Variants in GYS2 observed in about 807,000 individuals in gnomAD.
GYS2 encodes the protein glycogen synthase 2, also known as glycogen [starch] synthase, liver.
A neutral mutation model predicts 85.6 loss-of-function variants in GYS2; 80 were observed. The observed-to-expected ratio is 0.93, with a 90% CI of 0.78 to 1.13. The LOEUF is 1.13. GYS2 is among the 50% of genes most tolerant of loss of function. GYS2 has a pLI of 0.00. For synonymous variants in GYS2, 328 were observed against 300.7 expected (o/e 1.09, Z -0.94); for missense variants, 881 against 854.9 (o/e 1.03, Z -0.38).
intron 9 of GYS2, 76 bp downstream of exon 9, chr12:21,559,575 G>T: frequency 2.4e-6 from 2 of 841,308 alleles, no homozygotes; most frequent in Non-Finnish European, 4.1e-6. Flanking sequence ...AAATTAATAA[G>T]TTATGATGTC....
At chr12:21,554,353 A>G (rs534306514) in intron 11 of GYS2, among the ~76,000 whole-genome samples, 1 of 152,194 alleles carries the variant, frequency 6.6e-6, no homozygotes, top group African/African-American at 2.4e-5. Flanking sequence ...CTCTCTCCTC[A>G]TGGGTATATT....
intron 4 of GYS2, among the ~76,000 whole-genome samples, chr12:21,571,976 C>T (rs1234071847): frequency 5.5e-5 from 2 of 36,262 alleles, no homozygotes; most frequent in African/African-American, 2.6e-4. Context: ...CAAAAACAAA[C>T]AAACAACATA....
At chr12:21,589,698 A>G (rs1944613402) in intron 1 of GYS2, among the ~76,000 whole-genome samples, 1 of 152,154 alleles carries the variant, frequency 6.6e-6, no homozygotes, top group Non-Finnish European at 1.5e-5. Flanking sequence ...CATCTGCATT[A>G]TGGACTCCAG....
chr12:21,598,661 G>C (rs574805148), intron 1 of GYS2, among the ~76,000 whole-genome samples: 125 of 151,786 alleles, frequency 8.2e-4, no homozygotes, highest in African/African-American at 2.9e-3. Flanking sequence ...TCATATTTGA[G>C]GTATAAACCA....
At position 21,574,331 on chromosome 12, in the gene GYS2, AT is replaced by A. The variant is rs1485443821; in HGVS notation, c.496-6del. ...ACCATCTGCATGATCTGTCACCTAC[AT>A]TAGGAAAAAAAAAGCATTCAGAAAA... On this transcript the variant is annotated splice_polypyrimidine_tract_variant and splice_region_variant and intron_variant, in intron 3 of 15. Transcript: ENST00000261195. The A allele has an allele frequency of 1.2e-6, 2 of 1,610,334 alleles. No homozygotes were observed. The highest frequency in any genetic ancestry group is 1.7e-6 in the Non-Finnish European group (2 of 1,176,708).
At chr12:21,567,495 C>A (rs1425351667) in intron 5 of GYS2, among the ~76,000 whole-genome samples, 1 of 151,104 alleles carries the variant, frequency 6.6e-6, no homozygotes, top group Admixed American at 6.6e-5. Flanking sequence ...CTTAATGCTG[C>A]CACTATTCAA....
chr12:21,541,064 G>A (rs908344406), intron 13 of GYS2, among the ~76,000 whole-genome samples: 7 of 151,954 alleles, frequency 4.6e-5, no homozygotes, highest in Non-Finnish European at 1.0e-4. Context: ...CTTGAGCCCA[G>A]GAGTTCAAGA....
rs879400909 is a variant in GYS2 at position 21,599,086 on chromosome 12, T to TCC, written c.121+5384_121+5385dup. ...CTCTCTCTCGCTCTCTCTCTCTCTC[T>TCC]CCCCCATCTCTCTCTGTCTCTCTCT... On this transcript the variant is annotated intron_variant, in intron 1 of 15. Transcript: ENST00000261195. 6.0e-5 allele frequency among the ~76,000 whole-genome samples: 9 copies of TCC among 150,690 alleles called. No homozygotes were observed. In the East Asian group the frequency reaches 7.8e-4, roughly 13 times the overall value.
chr12:21,569,123 G>T (rs1944357225), intron 4 of GYS2, 114 bp from the exon 5 acceptor site: 3 of 1,018,868 alleles, frequency 2.9e-6, no homozygotes, highest in Middle Eastern at 2.1e-4. Context: ...AAAAATTTAT[G>T]ACCACAAAAA....
Position 21,562,999 on chromosome 12 carries a change from G to A in GYS2, c.981C>T (p.Phe327=). The A allele has an allele frequency of 6.2e-7, 1 of 1,613,188 alleles. No homozygotes were observed. Among genetic ancestry groups the A allele is most frequent in the Non-Finnish European group, 8.5e-7 (1 of 1,179,360 alleles). The part of the protein sequence containing the change: ...DFDLEKTLFL[F]IAGRYEFSNK... The stretch of plus-strand genomic sequence containing the variant: ...TTGAAAACTCATACCTCCCAGCAAT[G>A]AAAAGGAACAAAGTCTTTTCAAGAT... The change falls in exon 7 of 16, where the codon TTC becomes TTT. Residue 327 remains phenylalanine (F), a synonymous_variant. Coordinates refer to ENST00000261195, the MANE Select transcript of GYS2 (RefSeq NM_021957.4).
Position 21,604,722 on chromosome 12 carries a change from A to G in GYS2, c.-130T>C, listed in dbSNP as rs145691307. On this transcript the variant is annotated 5_prime_UTR_variant, in exon 1 of 16. Transcript: ENST00000261195. ...CAGGCTTTGGTAGCTTCTCTTGGGA[A>G]TAAACTAGTAGCATGAAATCTTATG... The G allele has an allele frequency of 3.9e-6, 6 of 1,525,834 alleles. No individual in the cohort carries two copies. The East Asian group carries it at 1.5e-4, about 37-fold the overall frequency. 94.5% of individuals were successfully genotyped at this position (1,525,834 alleles called of 1,614,324 possible).
In GYS2 at chr12:21,558,280, T is replaced by A. The variant is rs769277126; in HGVS notation, c.1342A>T (p.Met448Leu). Reference protein sequence around the residue: ...QSLPPVTTHNMIDDSTDPILS... With the variant: ...QSLPPVTTHNLIDDSTDPILS... ...ATGGGGTCGGTGGAGTCATCAATCA[T>A]GTTGTGCGTGGTCACTGGGGGCAAT... The change falls in exon 11 of 16, where the codon ATG (methionine) becomes TTG (leucine). Residue 448 changes from methionine (M) to leucine (L), a missense_variant. Met to Leu is a conservative substitution (Grantham distance 15). Coordinates refer to ENST00000261195, the MANE Select transcript of GYS2 (RefSeq NM_021957.4). 6.2e-7 allele frequency: 1 copy of A among 1,613,774 alleles called. No homozygotes were observed. Among genetic ancestry groups the A allele is most frequent in the Non-Finnish European group, 8.5e-7 (1 of 1,179,706 alleles).
At chr12:21,580,803 A>G (rs1011788507) in intron 1 of GYS2, among the ~76,000 whole-genome samples, 83 of 152,220 alleles carry the variant, frequency 5.5e-4, no homozygotes, top group Non-Finnish European at 1.0e-3. Flanking sequence ...CCTCAAAAAG[A>G]AAGAGTCTGA....
downstream of GYS2, among the ~76,000 whole-genome samples, chr12:21,533,218 T>G (rs1368987565): frequency 1.3e-5 from 2 of 152,184 alleles, no homozygotes; most frequent in African/African-American, 4.8e-5. Flanking sequence ...CTGGCCTCCA[T>G]CCTGGGCTCT....
At position 21,537,744 on chromosome 12, in the gene GYS2, A is replaced by C. The variant is rs79264258; in HGVS notation, c.1891-569T>G. Among the ~76,000 whole-genome samples the C allele has an allele frequency of 7.6e-3, 1,163 of 152,320 alleles. 6 individuals are homozygous for C. Among genetic ancestry groups the C allele is most frequent in the Non-Finnish European group, 0.012 (788 of 68,034 alleles). The stretch of plus-strand genomic sequence containing the variant: ...CAATTCCACTAGTTGCTGTTATTTC[A>C]GTTAATGAGAAAATATCACTAGACT... On this transcript the variant is annotated intron_variant, in intron 15 of 15. Coordinates refer to ENST00000261195, the MANE Select transcript of GYS2 (RefSeq NM_021957.4).
chr12:21,558,552 G>T (rs1284584439), intron 10 of GYS2, among the ~76,000 whole-genome samples: 1 of 152,026 alleles, frequency 6.6e-6, no homozygotes, highest in East Asian at 1.9e-4. Context: ...CTATATGAGA[G>T]ACCTGGACTT....
intron 1 of GYS2, among the ~76,000 whole-genome samples, chr12:21,584,847 C>T (rs142563080): frequency 6.6e-6 from 1 of 152,212 alleles, no homozygotes; most frequent in Admixed American, 6.5e-5. Context: ...CACAGCATTG[C>T]TTCTGACCAA....
intron 5 of GYS2, 147 bp from the exon 6 acceptor site, chr12:21,563,492 C>T (rs1565600876): frequency 1.7e-6 from 1 of 605,870 alleles, no homozygotes. Context: ...TATAAAACTT[C>T]CAGTTCATAA....
intron 2 of GYS2, among the ~76,000 whole-genome samples, chr12:21,577,307 T>A (rs1944457532): frequency 6.6e-6 from 1 of 152,204 alleles, no homozygotes; most frequent in African/African-American, 2.4e-5. Flanking sequence ...ATTTACTGAC[T>A]GCCTAATATG....
Sources: gnomAD v4.1 joint callset for allele counts (sites outside exome capture counted in the v4.1 genomes callset) on GRCh38, gnomAD v4.1.1 for gene constraint, MANE v1.5 for transcripts, NCBI Gene and HGNC (gene_info 2026-07-23, HGNC 2026-07-21) for gene names.